The following USP31 variants were observed in gnomAD, a reference collection of about 807,000 sequenced individuals.
USP31 encodes the protein ubiquitin specific peptidase 31, also known as ubiquitin carboxyl-terminal hydrolase 31.
A neutral mutation model predicts 119.4 loss-of-function variants in USP31; 44 were observed. The observed-to-expected ratio is 0.37, with a 90% CI of 0.29 to 0.47. The LOEUF (loss-of-function observed/expected upper bound fraction) is 0.47, where lower values mean the gene tolerates loss of function less well. USP31 is among the 20% of genes least tolerant of loss of function. The probability of loss-of-function intolerance (pLI) is 0.99; values close to 1 mark genes in which losing one functional copy is unlikely to be tolerated. For missense variants in USP31, 1,643 were observed against 1,730.2 expected (o/e 0.95, Z 0.89); for synonymous variants, 749 against 705.6 (o/e 1.06, Z -0.97).
chr16:23,076,037 G>C (rs562618682), intron 13 of USP31, among the ~76,000 whole-genome samples: 1 of 152,050 alleles, frequency 6.6e-6, no homozygotes, highest in Non-Finnish European at 1.5e-5. Context: ...AGTGAGCCAC[G>C]ATCACACACT....
chr16:23,087,981 G>A (rs62030993), intron 7 of USP31, 146 bp from the exon 8 acceptor site: 19,884 of 670,562 alleles, frequency 0.03, 373 homozygotes, highest in Non-Finnish European at 0.037. Context: ...GAAATTTAAT[G>A]GTAACTCTTC....
rs13339356 is a variant in USP31, at chr16:23,093,585, C to T, written c.1235-2781G>A. Among the ~76,000 whole-genome samples the T allele has an allele frequency of 9.3e-3, 1,410 of 152,232 alleles. 17 individuals are homozygous for T. Among genetic ancestry groups the T allele is most frequent in the African/African-American group, 0.029 (1,217 of 41,514 alleles). ...AACTCTCATCTATTGCTGGTGGAAA[C>T]GTAAAATGATCCAGCTCCTGTGGAA... On this transcript the variant is annotated intron_variant, in intron 6 of 15. Transcript: ENST00000219689.
chr16:23,070,692 G>A (rs948204000), intron 15 of USP31, among the ~76,000 whole-genome samples: 1 of 148,286 alleles, frequency 6.7e-6, no homozygotes, highest in Admixed American at 6.8e-5. Context: ...CCAGCCGGGA[G>A]ACAGAGACAG....
chr16:23,092,251 C>A (rs1013820056), intron 6 of USP31, among the ~76,000 whole-genome samples: 4 of 152,190 alleles, frequency 2.6e-5, no homozygotes, highest in East Asian at 1.9e-4. Context: ...AATACAATAA[C>A]CTTTGGATTC....
intron 1 of USP31, among the ~76,000 whole-genome samples, chr16:23,130,253 T>C (rs1405004142): frequency 3.3e-5 from 5 of 152,192 alleles, no homozygotes; most frequent in Non-Finnish European, 7.3e-5. Context: ...ACATGTAATT[T>C]CAAGTAAACT....
intron 6 of USP31, among the ~76,000 whole-genome samples, chr16:23,099,025 G>A (rs1358007228): frequency 1.3e-5 from 2 of 152,154 alleles, no homozygotes; most frequent in Non-Finnish European, 2.9e-5. Context: ...TACCATCAGA[G>A]TGAACAGGCA....
chr16:23,082,831 C>CTTT (rs71151692), intron 11 of USP31, among the ~76,000 whole-genome samples: 2 of 129,312 alleles, frequency 1.5e-5, no homozygotes, highest in East Asian at 2.2e-4. Flanking sequence ...CTTTCTCTCT[C>CTTT]TTTTTTTTTT....
chr16:23,093,991 C>T (rs1404039072), intron 6 of USP31, among the ~76,000 whole-genome samples: 4 of 152,102 alleles, frequency 2.6e-5, no homozygotes, highest in Non-Finnish European at 4.4e-5. Context: ...CTCATTGGGA[C>T]GGTTGGACAG....
At chr16:23,115,759 CT>C in intron 1 of USP31, 2 of 984,196 alleles carry the variant, frequency 2.0e-6, no homozygotes, top group Non-Finnish European at 2.4e-6. Context: ...AGGCAAAACA[CT>C]TACCGGGTTT....
In USP31 at chr16:23,069,030, T is replaced by C. The variant is rs1404495179; in HGVS notation, c.3075A>G (p.Arg1025=). 2.5e-6 allele frequency: 4 copies of C among 1,613,304 alleles called. No individual in the cohort carries two copies. The highest frequency in any genetic ancestry group is 1.7e-5 in the Admixed American group (1 of 60,002). ...LAKKPESTTK[R]SPSSKGTSEP... is the part of the protein sequence containing the mutation. ...CAGAAGTGCCTTTGGAACTGGGGGA[T>C]CTCTTAGTTGTGCTCTCTGGTTTCT... The change falls in exon 16 of 16, where the codon AGA becomes AGG. Residue 1025 remains arginine, a synonymous_variant. Coordinates refer to ENST00000219689, the MANE Select transcript of USP31 (RefSeq NM_020718.4).
In USP31 at chr16:23,068,421, G is replaced by A; in HGVS notation, c.3684C>T (p.Phe1228=). Residue 1228 remains phenylalanine, a synonymous_variant, in exon 16 of 16, where the codon TTC becomes TTT. Coordinates refer to ENST00000219689, the MANE Select transcript of USP31 (RefSeq NM_020718.4). The part of the protein sequence containing the change: ...DSKSEDKGLS[F]FKSALRQKET... Reference sequence around the variant, plus strand: ...CCTTCTGTCTCAAGGCTGATTTGAAGAAGGACAGCCCCTTGTCCTCAGACT... The same window carrying A: ...CCTTCTGTCTCAAGGCTGATTTGAAAAAGGACAGCCCCTTGTCCTCAGACT... The A allele has an allele frequency of 1.2e-6, 2 of 1,613,748 alleles. No individual in the cohort carries two copies. Among genetic ancestry groups the A allele is most frequent in the East Asian group, 2.2e-5 (1 of 44,876 alleles).
intron 13 of USP31, among the ~76,000 whole-genome samples, chr16:23,074,644 G>A (rs923362849): frequency 6.6e-6 from 1 of 152,154 alleles, no homozygotes; most frequent in African/African-American, 2.4e-5. Flanking sequence ...GCTTCCCTCA[G>A]GGAGGAGCAC....
At chr16:23,083,695 C>CGGGGGGGGGGGG (rs11311505) in intron 11 of USP31, among the ~76,000 whole-genome samples, 3 of 37,882 alleles carry the variant, frequency 7.9e-5, no homozygotes, top group Non-Finnish European at 1.4e-4. Context: ...GCAAACCTGG[C>CGGGGGGGGGGGG]GGGGGGGGGG....
rs1268686627 is a variant in USP31, at chr16:23,069,191, G to T, written c.2914C>A (p.Gln972Lys). Residue 972 changes from glutamine to lysine, a missense_variant, in exon 16 of 16, where the codon CAA becomes AAA. Around this residue, in one of 5 missense-constraint regions of USP31, gnomAD observed 699 missense variants for 650.9 expected, o/e 1.07. Coordinates refer to ENST00000219689, the MANE Select transcript of USP31 (RefSeq NM_020718.4). ...VVDTQSKHSA[Q>K]GDRLPPLSGP... is the part of the protein sequence containing the mutation. ...GAGAGCGGGGGCAGGCGGTCCCCTT[G>T]TGCTGAATGTTTGCTCTGTGTATCT... 2 of 1,614,176 alleles carry T rather than the reference G, an allele frequency of 1.2e-6. No individual in the cohort carries two copies. Among genetic ancestry groups the T allele is most frequent in the Non-Finnish European group, 1.7e-6 (2 of 1,180,038 alleles).
chr16:23,103,703 C>T (rs1901976117), intron 5 of USP31, among the ~76,000 whole-genome samples: 1 of 152,138 alleles, frequency 6.6e-6, no homozygotes, highest in Admixed American at 6.6e-5. Context: ...CTGCTTGAGG[C>T]CAGGAGTTCA....
chr16:23,079,622 A>G (rs1361337578), intron 13 of USP31: 1 of 222,280 alleles, frequency 4.5e-6, no homozygotes, highest in Non-Finnish European at 8.8e-6. Context: ...GATAGAACTC[A>G]AGGAACTCTA....
intron 12 of USP31, among the ~76,000 whole-genome samples, chr16:23,080,816 C>T (rs139229787): frequency 1.3e-5 from 2 of 152,170 alleles, no homozygotes; most frequent in East Asian, 1.9e-4. Context: ...TAAGGAGCTA[C>T]GTATAGGTCT....
rs1425745326 is a variant in USP31 at position 23,065,632 on chromosome 16, T to C, written c.*2414A>G. Reference sequence around the variant, plus strand: ...AAGGACTAAACTCCATGACATACAGTTTATAGACACTGACATTTTATTCCA... The same window carrying C: ...AAGGACTAAACTCCATGACATACAGCTTATAGACACTGACATTTTATTCCA... On this transcript the variant is annotated 3_prime_UTR_variant, in exon 16 of 16. Coordinates refer to ENST00000219689, the MANE Select transcript of USP31 (RefSeq NM_020718.4). The C allele has an allele frequency of 6.6e-6, 1 of 152,568 alleles. No individual in the cohort carries two copies. Among genetic ancestry groups the C allele is most frequent in the African/African-American group, 2.4e-5 (1 of 41,450 alleles). The allele number at this position is 152,568 out of a possible 1,614,324, so 9.5% of individuals were successfully genotyped here.
At chr16:23,111,845 G>A (rs1416653761) in intron 1 of USP31, among the ~76,000 whole-genome samples, 2 of 152,194 alleles carry the variant, frequency 1.3e-5, no homozygotes, top group African/African-American at 4.8e-5. Flanking sequence ...AAATGTTGAA[G>A]AATGATAAAG....
Sources: gnomAD v4.1 joint callset for allele counts (sites outside exome capture counted in the v4.1 genomes callset) on GRCh38, gnomAD v4.1.1 for gene constraint, gnomAD v4.1.1 regional missense constraint, MANE v1.5 for transcripts, NCBI Gene and HGNC (gene_info 2026-07-23, HGNC 2026-07-21) for gene names.